The following NFKBID variants were observed in gnomAD, a reference collection of about 807,000 sequenced individuals.
The protein encoded by NFKBID is NFKB inhibitor delta.
In NFKBID, 26 loss-of-function variants were observed where a neutral mutation model predicts 53.4. That is an observed-to-expected ratio of 0.49 (90% CI 0.36 to 0.68). NFKBID has a LOEUF of 0.68. Among genes scored for constraint, NFKBID ranks in the 30% least tolerant of loss-of-function variants. NFKBID has a pLI of 0.00. For synonymous variants in NFKBID, 262 were observed against 259.8 expected, an observed-to-expected ratio of 1.01 and a Z score of -0.08; for missense variants, 493 against 614.1, an observed-to-expected ratio of 0.80 and a Z score of 2.08.
chr19:35,888,577 C>T (rs142460503), exon 12 of NFKBID: 1,999 of 1,570,664 alleles, frequency 1.3e-3, no homozygotes, highest in Non-Finnish European at 1.6e-3. Context: ...ACAGGCCTGG[C>T]GGCGCCACAC....
At chr19:35,892,390 AAAT>A in intron 9 of NFKBID, among the ~76,000 whole-genome samples, 1 of 151,988 alleles carries the variant, frequency 6.6e-6, no homozygotes, top group South Asian at 2.1e-4. Flanking sequence ...TTATTACTAA[AAAT>A]ACAAAAATTA....
chr19:35,896,221 C>G lies in NFKBID; in HGVS notation c.880G>C (p.Glu294Gln). ...GCCCTGCCCACACCCAACTTACCCT[C>G]GAAGTCTCTGGCTTCCAGGTCAACC... is the stretch of plus-strand genomic sequence containing the variant. The change falls in exon 8 of 12, where the codon GAG becomes CAG. Residue 294 changes from glutamate (E) to glutamine (Q), a missense_variant. Transcript: ENST00000641389. This position sits in a 1 kb window ranked among gnomAD's most constrained non-coding sequence, Gnocchi z 5.7. 3 of 1,614,208 alleles carry G rather than the reference C, an allele frequency of 1.9e-6. No homozygotes were observed. Among genetic ancestry groups the G allele is most frequent in the Non-Finnish European group, 2.5e-6 (3 of 1,180,026 alleles).
At chr19:35,898,505 G>A (rs1975346576) in exon 3 of NFKBID, 3 of 1,534,098 alleles carry the variant, frequency 2.0e-6, no homozygotes, top group East Asian at 4.9e-5. Context: ...GGGGTCAGGG[G>A]CTGCTCTGGG....
chr19:35,899,902 G>C (rs1001969006), intron 1 of NFKBID, among the ~76,000 whole-genome samples: 59 of 151,948 alleles, frequency 3.9e-4, no homozygotes, highest in African/African-American at 1.4e-3. Flanking sequence ...GCGCGCGGCC[G>C]ATCGTGGCGC....
intron 1 of NFKBID, 119 bp downstream of exon 1, chr19:35,900,323 C>T: frequency 1.3e-6 from 1 of 784,194 alleles, no homozygotes; most frequent in Non-Finnish European, 1.7e-6. Context: ...ACCTAGGGCC[C>T]TCACTCTCGG....
chr19:35,898,412 T>C, intron 3 of NFKBID, 60 bp downstream of exon 3: 1 of 1,089,068 alleles, frequency 9.2e-7, no homozygotes, highest in South Asian at 1.4e-5. Context: ...TTCTGAGAGC[T>C]GCGATGTCTG....
chr19:35,897,662 G>C lies in NFKBID; in HGVS notation c.421C>G (p.Gln141Glu), dbSNP rs1159026192. ...ACTCTGTATCTCACCTCCATGCCCT[G>C]GGGAAATGGGCACGGCTGCCCTGGG... The change falls in exon 4 of 12, where the codon CAG (glutamine) becomes GAG (glutamate). Residue 141 changes from glutamine (Q) to glutamate (E), a missense_variant. Gln to Glu is a conservative substitution (Grantham distance 29, BLOSUM62 2). Coordinates refer to ENST00000641389, the Ensembl canonical transcript of NFKBID. 2.5e-6 allele frequency: 4 copies of C among 1,573,026 alleles called. No homozygotes were observed. In the African/African-American group the frequency reaches 5.4e-5, roughly 21 times the overall value.
In NFKBID at chr19:35,891,909, G is replaced by A. The variant is rs180755863; in HGVS notation, c.1033-1419C>T. Among the ~76,000 whole-genome samples, 541 of 151,994 alleles carry A rather than the reference G, an allele frequency of 3.6e-3. 7 individuals are homozygous for A. Among genetic ancestry groups the A allele is most frequent in the African/African-American group, 0.012 (517 of 41,476 alleles). ...TTTTTTGTTTGTTTTTTGAGACAGG[G>A]TCTCGCTCTGTTGCCCAGGCTGGAG... is the stretch of plus-strand genomic sequence containing the variant. On this transcript the variant is annotated intron_variant, in intron 9 of 11. Coordinates refer to ENST00000641389, the Ensembl canonical transcript of NFKBID.
intron 11 of NFKBID, among the ~76,000 whole-genome samples, chr19:35,889,639 C>T (rs1974614068): frequency 6.6e-6 from 1 of 152,066 alleles, no homozygotes; most frequent in African/African-American, 2.4e-5. Flanking sequence ...AAGCAAGATT[C>T]AGGGTTGGAA....
At chr19:35,901,085 G>A (rs1235690500), upstream of NFKBID, among the ~76,000 whole-genome samples, 1 of 151,958 alleles carries the variant, frequency 6.6e-6, no homozygotes, top group African/African-American at 2.4e-5. Flanking sequence ...CGCCTGCCTT[G>A]GCCTCCCAAA....
chr19:35,890,083 G>A, intron 10 of NFKBID, 29 bp from the exon 11 acceptor site: 1 of 1,579,604 alleles, frequency 6.3e-7, no homozygotes, highest in Admixed American at 1.9e-5. Flanking sequence ...GGCTGGTGGG[G>A]ATCTGGGCTC....
exon 12 of NFKBID, chr19:35,888,372 G>C: frequency 3.5e-6 from 2 of 578,628 alleles, no homozygotes. Context: ...GGGTAGAAGA[G>C]GGGTATCACA....
At chr19:35,890,262 G>T in intron 10 of NFKBID, 112 bp downstream of exon 10, 1 of 879,714 alleles carries the variant, frequency 1.1e-6, no homozygotes, top group Non-Finnish European at 1.8e-6. Context: ...ACTTTCCCCT[G>T]CAGATCCCAC....
At chr19:35,898,645 G>A (rs530819555) in intron 2 of NFKBID, 74 bp downstream of exon 2, 3 of 1,439,018 alleles carry the variant, frequency 2.1e-6, no homozygotes, top group Admixed American at 4.4e-5. Context: ...CATCAGCCCC[G>A]AGGGCCCGGC....
Position 35,898,833 on chromosome 19 carries a change from G to A in NFKBID, c.62-11C>T, listed in dbSNP as rs1245161417. 1.3e-6 allele frequency: 2 copies of A among 1,532,814 alleles called. No homozygotes were observed. Among genetic ancestry groups the A allele is most frequent in the Non-Finnish European group, 1.7e-6 (2 of 1,143,944 alleles). 95.0% of individuals were successfully genotyped at this position (1,532,814 alleles called of 1,614,324 possible). On this transcript the variant is annotated splice_polypyrimidine_tract_variant and intron_variant, in intron 1 of 11. Coordinates refer to ENST00000641389, the Ensembl canonical transcript of NFKBID. Reference sequence around the variant, plus strand: ...GCTCACCCCTGCTCACTGTGCGGGAGAGGAGAGGGGGAAGTCATCAAGGGT... The same window carrying A: ...GCTCACCCCTGCTCACTGTGCGGGAAAGGAGAGGGGGAAGTCATCAAGGGT...
At position 35,896,143 on chromosome 19, in the gene NFKBID, C is replaced by T. The variant is rs375526266; in HGVS notation, c.884-15G>A. The T allele has an allele frequency of 1.4e-5, 22 of 1,613,986 alleles. No homozygotes were observed. In the East Asian group the frequency reaches 4.5e-4, roughly 33 times the overall value. On this transcript the variant is annotated splice_polypyrimidine_tract_variant and intron_variant, in intron 8 of 11. Coordinates refer to ENST00000641389, the Ensembl canonical transcript of NFKBID. This position sits in a 1 kb window ranked among gnomAD's most constrained non-coding sequence, Gnocchi z 5.7. ...CGGGGTGAGGCCTGCAGAATGGAGA[C>T]AGTGAGGGACCCGCATCTGCACCCA...
At chr19:35,897,995 C>T in intron 3 of NFKBID, 139 bp from the exon 4 acceptor site, 1 of 633,952 alleles carries the variant, frequency 1.6e-6, no homozygotes, top group Non-Finnish European at 2.7e-6. Context: ...ACCTGGATTC[C>T]TGGGACACTG....
Position 35,896,310 on chromosome 19 carries a change from C to T in NFKBID, c.832-41G>A, listed in dbSNP as rs1975144526. 6.2e-7 allele frequency: 1 copy of T among 1,613,928 alleles called. No homozygotes were observed. The highest frequency in any genetic ancestry group is 1.1e-5 in the South Asian group (1 of 91,074). ...GGCAGACTGCTGGGTAAGGGTATCCCCTGGCCTCCTGGCCCTGGAAGCCAA... is the reference window on the plus strand; with the variant it reads ...GGCAGACTGCTGGGTAAGGGTATCCTCTGGCCTCCTGGCCCTGGAAGCCAA... On this transcript the variant is annotated intron_variant, in intron 7 of 11. Transcript: ENST00000641389. The surrounding 1 kb of genome is among the most constrained non-coding windows in gnomAD (Gnocchi z 5.7).
At chr19:35,900,333 G>A in intron 1 of NFKBID, 109 bp downstream of exon 1, 2 of 863,022 alleles carry the variant, frequency 2.3e-6, no homozygotes, top group South Asian at 5.9e-5. Context: ...CTCACTCTCG[G>A]GATAAAGGAC....
Sources: allele counts gnomAD v4.1 joint callset (sites outside exome capture counted in the v4.1 genomes callset), GRCh38; gene constraint gnomAD v4.1.1; non-coding constraint Gnocchi (gnomAD v3.1); transcripts MANE v1.5; gene names NCBI Gene and HGNC (gene_info 2026-07-23, HGNC 2026-07-21).